Variants in IQGAP1 observed in about 807,000 individuals in gnomAD.
IQGAP1 encodes IQ motif containing GTPase activating protein 1, also known as ras GTPase-activating-like protein IQGAP1.
A neutral mutation model predicts 215.6 loss-of-function variants in IQGAP1; 66 were observed. The observed-to-expected ratio is 0.31, with a 90% CI of 0.25 to 0.38. IQGAP1 has a LOEUF of 0.38. Among genes scored for constraint, IQGAP1 ranks in the 10% least tolerant of loss-of-function variants. The pLI is 1.00. For synonymous variants in IQGAP1, 772 were observed against 728.7 expected (o/e 1.06, Z -0.96); for missense variants, 1,712 against 1,997.1 (o/e 0.86, Z 2.72).
At chr15:90,396,436 G>A (rs139737798) in intron 2 of IQGAP1, among the ~76,000 whole-genome samples, 5 of 152,296 alleles carry the variant, frequency 3.3e-5, no homozygotes, top group Admixed American at 6.5e-5. Flanking sequence ...TTAGGATGGT[G>A]ACCCAAGCTC....
At chr15:90,395,672 G>C (rs566239406) in intron 2 of IQGAP1, among the ~76,000 whole-genome samples, 1 of 152,226 alleles carries the variant, frequency 6.6e-6, no homozygotes, top group Non-Finnish European at 1.5e-5. Context: ...TCAGTTGAAG[G>C]AGGTAACATT....
intron 18 of IQGAP1, 96 bp downstream of exon 18, chr15:90,467,688 T>C (rs1157669163): frequency 1.6e-6 from 2 of 1,288,896 alleles, no homozygotes; most frequent in Non-Finnish European, 2.1e-6. Flanking sequence ...TCAGAAGCCC[T>C]AGACTAAAAT....
intron 2 of IQGAP1, among the ~76,000 whole-genome samples, chr15:90,422,666 A>G (rs1331170939): frequency 9.9e-5 from 12 of 120,632 alleles, no homozygotes; most frequent in Non-Finnish European, 1.7e-4. Context: ...ATATGTATAT[A>G]TATATATATA....
At chr15:90,401,554 T>C (rs1030764676) in intron 2 of IQGAP1, among the ~76,000 whole-genome samples, 2 of 152,224 alleles carry the variant, frequency 1.3e-5, no homozygotes, top group African/African-American at 4.8e-5. Context: ...TCTTCCTCAT[T>C]GTCATGATTA....
intron 5 of IQGAP1, among the ~76,000 whole-genome samples, chr15:90,436,668 A>C (rs1375851002): frequency 6.6e-6 from 1 of 152,246 alleles, no homozygotes; most frequent in Non-Finnish European, 1.5e-5. Context: ...GTATATTTGT[A>C]GAAGTAGGCA....
Position 90,422,607 on chromosome 15 carries a change from TTC to T in IQGAP1, c.156-3502_156-3501del, listed in dbSNP as rs1356538569. Among the ~76,000 whole-genome samples the T allele has an allele frequency of 2.3e-5, 3 of 128,372 alleles. No individual in the cohort carries two copies. In the East Asian group the frequency reaches 8.4e-4, roughly 36 times the overall value. The allele number at this position is 128,372 out of a possible 152,430, so 84.2% of individuals were successfully genotyped here. On this transcript the variant is annotated intron_variant, in intron 2 of 37. Transcript: ENST00000268182. ...TCAGAAATGTTTAATAATTGTCTCA[TTC>T]ATATATATATATATATGTATATATA... is the stretch of plus-strand genomic sequence containing the variant.
At chr15:90,399,131 A>AT (rs1403111595) in intron 2 of IQGAP1, among the ~76,000 whole-genome samples, 1 of 151,906 alleles carries the variant, frequency 6.6e-6, no homozygotes, top group Non-Finnish European at 1.5e-5. Context: ...AATTAAAAAA[A>AT]ATTTTTTTTT....
At chr15:90,434,095 T>C (rs1311930151) in intron 5 of IQGAP1, among the ~76,000 whole-genome samples, 1 of 152,106 alleles carries the variant, frequency 6.6e-6, no homozygotes, top group Non-Finnish European at 1.5e-5. Context: ...GTCTCTTGTT[T>C]AGTTAGGTAG....
intron 18 of IQGAP1, among the ~76,000 whole-genome samples, 155 bp downstream of exon 18, chr15:90,467,747 G>A (rs1037223904): frequency 2.0e-5 from 3 of 152,122 alleles, no homozygotes; most frequent in African/African-American, 7.2e-5. Flanking sequence ...GTAGTAGTTG[G>A]GGGAGTGACT....
rs1014084022 is a variant in IQGAP1 at position 90,497,056 on chromosome 15, A to T, written c.4752-176A>T. The T allele has an allele frequency of 9.5e-6, 5 of 523,762 alleles. No homozygotes were observed. In the African/African-American group the frequency reaches 9.8e-5, roughly 10 times the overall value. The allele number at this position is 523,762 out of a possible 1,614,324, so 32.4% of individuals were successfully genotyped here. A position where few individuals can be genotyped will look rare whatever the true frequency, so the allele number is the denominator to read the frequency against. ...CATTCCTCTCTCCAAGTCCCAGAGC[A>T]GATGGTACTTGGGCTTGGCAATCTG... On this transcript the variant is annotated intron_variant, in intron 36 of 37. Transcript: ENST00000268182.
chr15:90,492,476 G>T, intron 34 of IQGAP1, 69 bp from the exon 35 acceptor site: 2 of 1,176,230 alleles, frequency 1.7e-6, no homozygotes, highest in Non-Finnish European at 2.3e-6. Context: ...GTTAAGCATT[G>T]CTGGGTTGTA....
chr15:90,445,816 T>C (rs954331905), intron 9 of IQGAP1, among the ~76,000 whole-genome samples: 1 of 151,442 alleles, frequency 6.6e-6, no homozygotes, highest in Non-Finnish European at 1.5e-5. Context: ...GATTGGAGTT[T>C]TAAGTCCTGA....
intron 30 of IQGAP1, among the ~76,000 whole-genome samples, chr15:90,484,712 T>C (rs113447187): frequency 0.026 from 3,981 of 152,230 alleles, 144 homozygotes; most frequent in African/African-American, 0.087. Context: ...GGTTTCACTG[T>C]GTTAGCCAGC....
At position 90,453,753 on chromosome 15, in the gene IQGAP1, T is replaced by A. The variant is rs1378401421; in HGVS notation, c.1487+461T>A. On this transcript the variant is annotated intron_variant, in intron 13 of 37. Transcript: ENST00000268182. ...GGGATGGGACCAATTGCCTATTTTATGGATAGTTCTAGTTGCTTTCTCATA... is the reference window on the plus strand; with the variant it reads ...GGGATGGGACCAATTGCCTATTTTAAGGATAGTTCTAGTTGCTTTCTCATA... Among the ~76,000 whole-genome samples the A allele has an allele frequency of 9.9e-5, 15 of 152,244 alleles. 1 individual carries two copies. Among genetic ancestry groups the A allele is most frequent in the Admixed American group, 9.8e-4 (15 of 15,280 alleles).
rs781368462 is a variant in IQGAP1, at chr15:90,474,710, G to T, written c.2784+17G>T. On this transcript the variant is annotated intron_variant, in intron 23 of 37. Transcript: ENST00000268182. ...ACGTTGCAGGTATGGCCCAGTGCCAGCGGGGGCCTTGGAACGGTTCATCCT... is the reference window on the plus strand; with the variant it reads ...ACGTTGCAGGTATGGCCCAGTGCCATCGGGGGCCTTGGAACGGTTCATCCT... 6.3e-7 allele frequency: 1 copy of T among 1,583,732 alleles called. No individual in the cohort carries two copies. Among genetic ancestry groups the T allele is most frequent in the East Asian group, 2.2e-5 (1 of 44,730 alleles).
intron 37 of IQGAP1, among the ~76,000 whole-genome samples, chr15:90,497,855 C>T (rs556119491): frequency 2.0e-5 from 3 of 152,256 alleles, no homozygotes; most frequent in Admixed American, 6.5e-5. Flanking sequence ...GATTTTTACA[C>T]GTTAAAAAAT....
At chr15:90,493,013 C>T (rs764348596) in intron 35 of IQGAP1, among the ~76,000 whole-genome samples, 16 of 152,192 alleles carry the variant, frequency 1.1e-4, no homozygotes, top group Admixed American at 5.9e-4. Context: ...GAGGCCGAGG[C>T]GGGTGTGTCA....
intron 8 of IQGAP1, among the ~76,000 whole-genome samples, chr15:90,442,905 G>C (rs1336834545): frequency 1.3e-5 from 2 of 152,070 alleles, no homozygotes; most frequent in Non-Finnish European, 2.9e-5. Flanking sequence ...CCAGGAGGCA[G>C]AGTTTTTAAT....
rs754244802 is a variant in IQGAP1, at chr15:90,449,544, C to T, written c.1078-15C>T. 1 of 1,603,966 alleles carries T rather than the reference C, an allele frequency of 6.2e-7. No individual in the cohort carries two copies. Among genetic ancestry groups the T allele is most frequent in the Non-Finnish European group, 8.5e-7 (1 of 1,174,686 alleles). On this transcript the variant is annotated splice_polypyrimidine_tract_variant and intron_variant, in intron 10 of 37. Coordinates refer to ENST00000268182, the MANE Select transcript of IQGAP1 (RefSeq NM_003870.4). The stretch of plus-strand genomic sequence containing the variant: ...GAATGAGTAATCTTTACATAATTTT[C>T]TTTGCTTTGCTCAGAGTGGTCAGAC...
Sources: allele counts gnomAD v4.1 joint callset (sites outside exome capture counted in the v4.1 genomes callset), GRCh38; gene constraint gnomAD v4.1.1; transcripts MANE v1.5; gene names NCBI Gene and HGNC (gene_info 2026-07-23, HGNC 2026-07-21).